TRAPPC9: variants seen among roughly 807,000 people sequenced by gnomAD.
The protein encoded by TRAPPC9 is IKK2 binding protein.
TRAPPC9 carries 83 observed loss-of-function variants against 124.0 expected under a neutral mutation model. That is an observed-to-expected ratio of 0.67 (90% CI 0.56 to 0.80). TRAPPC9 has a LOEUF of 0.80. Ranked by LOEUF, TRAPPC9 falls within the 30% of genes least tolerant of loss-of-function variation. The pLI is 0.00. For missense variants in TRAPPC9, 1,302 were observed against 1,508.3 expected (o/e 0.86, Z 2.27); for synonymous variants, 638 against 617.5 (o/e 1.03, Z -0.49).
chr8:140,086,523 G>A lies in TRAPPC9; in HGVS notation c.2557-62444C>T, dbSNP rs556107345. On this transcript the variant is annotated intron_variant, in intron 17 of 22. Coordinates refer to ENST00000438773, the MANE Select transcript of TRAPPC9 (RefSeq NM_001160372.4). ...GGTGCCCAGCTCCTGCTGCCTCTGG[G>A]GGATTGGTCCCAGGCACCCCATCCC... Among the ~76,000 whole-genome samples the A allele has an allele frequency of 2.4e-3, 372 of 152,270 alleles. 1 individual carries two copies. The highest frequency in any genetic ancestry group is 8.6e-3 in the African/African-American group (357 of 41,562).
At chr8:139,893,627 T>C (rs766030940) in intron 20 of TRAPPC9, among the ~76,000 whole-genome samples, 10 of 152,240 alleles carry the variant, frequency 6.6e-5, no homozygotes, top group African/African-American at 9.6e-5. Context: ...TCTGCATGAA[T>C]GTAGGCATAA....
At chr8:140,402,114 C>T (rs747328226) in intron 6 of TRAPPC9, among the ~76,000 whole-genome samples, 12 of 151,936 alleles carry the variant, frequency 7.9e-5, no homozygotes, top group African/African-American at 2.4e-4. Context: ...GGCCTGTAAT[C>T]GCAGCGTCTC....
At chr8:139,859,271 C>A (rs1026223347) in intron 21 of TRAPPC9, among the ~76,000 whole-genome samples, 10 of 151,952 alleles carry the variant, frequency 6.6e-5, no homozygotes, top group African/African-American at 2.4e-4. Context: ...CTCGCAGCAC[C>A]CAGGAGCTTT....
intron 19 of TRAPPC9, among the ~76,000 whole-genome samples, chr8:139,947,827 C>T (rs1303446164): frequency 1.4e-5 from 2 of 146,746 alleles, no homozygotes; most frequent in African/African-American, 2.5e-5. Flanking sequence ...AAGATCACAC[C>T]ACTGAACTCC....
At chr8:140,451,442 C>T in intron 1 of TRAPPC9, 59 bp from the exon 2 acceptor site, 1 of 1,432,580 alleles carries the variant, frequency 7.0e-7, no homozygotes, top group Non-Finnish European at 9.6e-7. Context: ...TGAGAGCCTA[C>T]CCTGGGAGGC....
At chr8:139,988,512 C>T (rs538930737) in intron 19 of TRAPPC9, among the ~76,000 whole-genome samples, 3 of 152,296 alleles carry the variant, frequency 2.0e-5, no homozygotes, top group East Asian at 1.9e-4. Flanking sequence ...CTTCCTCAGA[C>T]GCCATCCGGC....
intron 9 of TRAPPC9, among the ~76,000 whole-genome samples, chr8:140,328,744 A>C (rs2066808726): frequency 1.3e-5 from 2 of 152,218 alleles, no homozygotes; most frequent in Non-Finnish European, 2.9e-5. Context: ...ATTTTAAAAA[A>C]AGGTCCTGGA....
At chr8:139,820,862 A>C (rs1825207500) in intron 21 of TRAPPC9, among the ~76,000 whole-genome samples, 2 of 152,240 alleles carry the variant, frequency 1.3e-5, no homozygotes, top group African/African-American at 4.8e-5. Flanking sequence ...GATCTATCTT[A>C]TTGTATATGC....
At chr8:140,128,429 A>T (rs757816799) in intron 17 of TRAPPC9, among the ~76,000 whole-genome samples, 2 of 152,234 alleles carry the variant, frequency 1.3e-5, no homozygotes, top group African/African-American at 4.8e-5. Context: ...GGCTGCATAC[A>T]AGAAGCAGTG....
chr8:140,284,881 G>A (rs757823652), intron 13 of TRAPPC9, among the ~76,000 whole-genome samples: 22 of 152,166 alleles, frequency 1.4e-4, no homozygotes, highest in Non-Finnish European at 2.6e-4. Context: ...TTCCTCTAAA[G>A]TATACCTCTT....
intron 17 of TRAPPC9, among the ~76,000 whole-genome samples, chr8:140,131,228 T>C (rs2061203466): frequency 6.6e-6 from 1 of 152,180 alleles, no homozygotes; most frequent in Admixed American, 6.5e-5. Flanking sequence ...TTAGGGTATA[T>C]CAGTAAAAGT....
chr8:139,871,972 G>A (rs1215165784), intron 21 of TRAPPC9, among the ~76,000 whole-genome samples: 1 of 152,208 alleles, frequency 6.6e-6, no homozygotes, highest in African/African-American at 2.4e-5. Flanking sequence ...GGATAAGCTG[G>A]TGGATGGGCT....
At chr8:140,143,876 T>C (rs2061417344) in intron 17 of TRAPPC9, among the ~76,000 whole-genome samples, 1 of 152,232 alleles carries the variant, frequency 6.6e-6, no homozygotes, top group Non-Finnish European at 1.5e-5. Context: ...AAACTATGTA[T>C]GGTCTGCCAT....
chr8:139,974,288 T>G (rs564161102), intron 19 of TRAPPC9, among the ~76,000 whole-genome samples: 2 of 152,216 alleles, frequency 1.3e-5, no homozygotes, highest in African/African-American at 4.8e-5. Context: ...GGAAAGCTAG[T>G]AGAATCTCAG....
chr8:140,217,976 C>T (rs2063237609), intron 17 of TRAPPC9, among the ~76,000 whole-genome samples: 1 of 151,632 alleles, frequency 6.6e-6, no homozygotes, highest in African/African-American at 2.4e-5. Context: ...GAGATCGCGC[C>T]ACTGCACTCC....
intron 21 of TRAPPC9, among the ~76,000 whole-genome samples, chr8:139,839,676 C>T (rs931305930): frequency 6.6e-6 from 1 of 152,168 alleles, no homozygotes; most frequent in South Asian, 2.1e-4. Context: ...TGCTTGTTTC[C>T]TAGGGGCGCC....
intron 21 of TRAPPC9, among the ~76,000 whole-genome samples, chr8:139,741,898 C>A (rs1043566088): frequency 6.6e-6 from 1 of 152,164 alleles, no homozygotes; most frequent in Non-Finnish European, 1.5e-5. Flanking sequence ...CTGGATGGGG[C>A]ACATTTTGTT....
intron 21 of TRAPPC9, among the ~76,000 whole-genome samples, chr8:139,867,491 C>T (rs916330489): frequency 2.6e-5 from 4 of 152,120 alleles, no homozygotes; most frequent in African/African-American, 7.2e-5. Flanking sequence ...AGCACCTTCC[C>T]GCAAGATACT....
chr8:140,206,345 T>A lies in TRAPPC9; in HGVS notation c.2556+15114A>T, dbSNP rs80138381. Among the ~76,000 whole-genome samples, 632 of 152,314 alleles carry A rather than the reference T, an allele frequency of 4.1e-3. 3 individuals are homozygous for A. Among genetic ancestry groups the A allele is most frequent in the African/African-American group, 0.014 (601 of 41,562 alleles). On this transcript the variant is annotated intron_variant, in intron 17 of 22. Transcript: ENST00000438773. Reference sequence around the variant, plus strand: ...CTAATTCTTTTTCTGCTTGCAGTCTTACGTTTGCTTTCTTGCTTTTCTTTC... The same window carrying A: ...CTAATTCTTTTTCTGCTTGCAGTCTAACGTTTGCTTTCTTGCTTTTCTTTC...
Sources: allele counts gnomAD v4.1 joint callset (sites outside exome capture counted in the v4.1 genomes callset), GRCh38; gene constraint gnomAD v4.1.1; transcripts MANE v1.5; gene names NCBI Gene and HGNC (gene_info 2026-07-23, HGNC 2026-07-21).